The following NSL1 variants were observed in gnomAD, a reference collection of about 807,000 sequenced individuals.
NSL1 encodes kinetochore-associated protein NSL1 homolog.
NSL1 carries 11 observed loss-of-function variants against 25.4 expected under a neutral mutation model. The ratio of observed to expected loss-of-function variants is 0.43; its 90% CI spans 0.27 to 0.72. The LOEUF (loss-of-function observed/expected upper bound fraction) is 0.72, where lower values mean the gene tolerates loss of function less well. Among genes scored for constraint, NSL1 ranks in the 30% least tolerant of loss-of-function variants. The pLI is 0.19. For missense variants in NSL1, 330 were observed against 342.7 expected (o/e 0.96, Z 0.29); for synonymous variants, 118 against 120.6 (o/e 0.98, Z 0.14).
In NSL1 at chr1:212,735,207, G is replaced by A. The variant is rs1222715656; in HGVS notation, c.*3201C>T. ...TGACTTTTGATCATAGACAGGTTAAGTAACTTGTCCAATATCATTGAACTA... is the reference window on the plus strand; with the variant it reads ...TGACTTTTGATCATAGACAGGTTAAATAACTTGTCCAATATCATTGAACTA... On this transcript the variant is annotated 3_prime_UTR_variant, in exon 6 of 6. Coordinates refer to ENST00000366977, the MANE Select transcript of NSL1 (RefSeq NM_015471.4). The A allele has an allele frequency of 3.2e-6, 2 of 622,096 alleles. No individual in the cohort carries two copies. Among genetic ancestry groups the A allele is most frequent in the Admixed American group, 1.3e-4 (2 of 15,810 alleles). 38.5% of individuals were successfully genotyped at this position (622,096 alleles called of 1,614,324 possible). A position where few individuals can be genotyped will look rare whatever the true frequency, so the allele number is the denominator to read the frequency against.
chr1:212,772,687 A>AG (rs1337228651), intron 4 of NSL1, among the ~76,000 whole-genome samples: 8 of 146,788 alleles, frequency 5.5e-5, no homozygotes, highest in South Asian at 4.4e-4. Context: ...AAAAAAAGAA[A>AG]AAAAGAAAGA....
intron 4 of NSL1, among the ~76,000 whole-genome samples, chr1:212,774,185 A>T (rs1456307072): frequency 1.3e-5 from 2 of 152,198 alleles, no homozygotes; most frequent in Non-Finnish European, 2.9e-5. Context: ...ATAGCACAGT[A>T]AGGTGACAAT....
chr1:212,788,879 A>G (rs1296899783), intron 1 of NSL1, among the ~76,000 whole-genome samples: 1 of 152,248 alleles, frequency 6.6e-6, no homozygotes, highest in African/African-American at 2.4e-5. Context: ...CAGGTCAATA[A>G]CAATTCATCA....
rs1056693438 is a variant in NSL1 at position 212,727,968 on chromosome 1, C to A, written c.*10440G>T. 7.1e-6 allele frequency: 7 copies of A among 985,266 alleles called. No individual in the cohort carries two copies. In the South Asian group the frequency reaches 3.3e-4, roughly 46 times the overall value. 61.0% of individuals were successfully genotyped at this position (985,266 alleles called of 1,614,324 possible). ...AGAGCGTCTGAGACTCTGGACAAGG[C>A]CTTTGCTGTGAACCACGGGGAGAAG... On this transcript the variant is annotated 3_prime_UTR_variant, in exon 6 of 6. Coordinates refer to ENST00000366977, the MANE Select transcript of NSL1 (RefSeq NM_015471.4).
At chr1:212,764,083 T>C in intron 4 of NSL1, 1 of 393,066 alleles carries the variant, frequency 2.5e-6, no homozygotes, top group Non-Finnish European at 5.1e-6. Flanking sequence ...AAGTATCTTC[T>C]CAGACCACAG....
intron 1 of NSL1, among the ~76,000 whole-genome samples, chr1:212,791,196 ATAT>A (rs1661233837): frequency 6.6e-6 from 1 of 152,180 alleles, no homozygotes; most frequent in Non-Finnish European, 1.5e-5. Flanking sequence ...CATTCATTTG[ATAT>A]TATTACATGT....
intron 4 of NSL1, among the ~76,000 whole-genome samples, chr1:212,772,399 C>G (rs866681871): frequency 1.3e-5 from 2 of 152,168 alleles, no homozygotes; most frequent in Admixed American, 6.5e-5. Flanking sequence ...GTGGCTCACA[C>G]CTGTAACCCT....
Position 212,784,453 on chromosome 1 carries a change from G to A in NSL1, c.354C>T (p.Ile118=). The change falls in exon 3 of 6, where the codon ATC becomes ATT. Residue 118 remains isoleucine, a synonymous_variant. Coordinates refer to ENST00000366977, the MANE Select transcript of NSL1 (RefSeq NM_015471.4). ...IKVLEDQFDE[I]IVDIATKRKQ... ...TACGTTTTGTGGCTATATCTACTAT[G>A]ATTTCATCAAACTGATCTTCAAGTA... The A allele has an allele frequency of 1.3e-6, 2 of 1,583,240 alleles. No homozygotes were observed. The highest frequency in any genetic ancestry group is 2.2e-5 in the East Asian group (1 of 44,476).
At position 212,735,618 on chromosome 1, in the gene NSL1, A is replaced by T; in HGVS notation, c.*2790T>A. 1 of 804,192 alleles carries T rather than the reference A, an allele frequency of 1.2e-6. No homozygotes were observed. The highest frequency in any genetic ancestry group is 1.5e-6 in the Non-Finnish European group (1 of 664,772). 49.8% of individuals were successfully genotyped at this position (804,192 alleles called of 1,614,324 possible). On this transcript the variant is annotated 3_prime_UTR_variant, in exon 6 of 6. Coordinates refer to ENST00000366977, the MANE Select transcript of NSL1 (RefSeq NM_015471.4). ...ATGAAGCCTTAACTCCCATGTGCCT[A>T]TAGCTGTATTTGGAGATGGGGCCTC...
intron 4 of NSL1, among the ~76,000 whole-genome samples, chr1:212,765,736 G>C (rs1370941774): frequency 1.3e-5 from 2 of 152,088 alleles, no homozygotes; most frequent in African/African-American, 2.4e-5. Context: ...AACCTGGAAA[G>C]TGGAGGCTGC....
chr1:212,763,414 T>C (rs1169961769), intron 4 of NSL1, among the ~76,000 whole-genome samples: 1 of 151,726 alleles, frequency 6.6e-6, no homozygotes, highest in Non-Finnish European at 1.5e-5. Context: ...ACTAACATGA[T>C]GAATAGAACA....
chr1:212,767,054 A>T (rs1659854052), intron 4 of NSL1, among the ~76,000 whole-genome samples: 1 of 152,220 alleles, frequency 6.6e-6, no homozygotes, highest in Admixed American at 6.5e-5. Context: ...TCCCATCAAG[A>T]TACCACCATA....
rs137959009 is a variant in NSL1, at chr1:212,755,764, T to C, written c.500-16163A>G. ...AAATATGAATATGTATATATTTTCATATATATCTATATGTAATTATTAAAA... is the reference window on the plus strand; with the variant it reads ...AAATATGAATATGTATATATTTTCACATATATCTATATGTAATTATTAAAA... On this transcript the variant is annotated intron_variant, in intron 4 of 5. Transcript: ENST00000366977. Among the ~76,000 whole-genome samples, 688 of 151,504 alleles carry C rather than the reference T, an allele frequency of 4.5e-3. 8 individuals are homozygous for C. The highest frequency in any genetic ancestry group is 0.016 in the African/African-American group (657 of 41,150).
At chr1:212,777,088 AC>A (rs1182364576) in intron 4 of NSL1, among the ~76,000 whole-genome samples, 3 of 151,800 alleles carry the variant, frequency 2.0e-5, no homozygotes, top group Admixed American at 1.3e-4. Flanking sequence ...AACAAAAACA[AC>A]CTAGGCTGGT....
rs1428462587 is a variant in NSL1 at position 212,728,566 on chromosome 1, G to A, written c.*9842C>T. The A allele has an allele frequency of 4.1e-6, 4 of 985,328 alleles. No individual in the cohort carries two copies. The highest frequency in any genetic ancestry group is 4.8e-6 in the Non-Finnish European group (4 of 829,942). The allele number at this position is 985,328 out of a possible 1,614,324, so 61.0% of individuals were successfully genotyped here. On this transcript the variant is annotated 3_prime_UTR_variant, in exon 6 of 6. Transcript: ENST00000366977. ...AATTTTTTCAAATCAGATTTACAGA[G>A]GGATAGAAATGAGAAAAGGAGTTTT...
At position 212,730,394 on chromosome 1, in the gene NSL1, G is replaced by A; in HGVS notation, c.*8014C>T. The stretch of plus-strand genomic sequence containing the variant: ...CAATGACATCATTGTAGAAGATGTG[G>A]GCCACAGAGCTACATGAATGGGCAC... On this transcript the variant is annotated 3_prime_UTR_variant, in exon 6 of 6. Transcript: ENST00000366977. 2.0e-6 allele frequency: 2 copies of A among 985,232 alleles called. No homozygotes were observed. The highest frequency in any genetic ancestry group is 2.4e-6 in the Non-Finnish European group (2 of 829,904). 61.0% of individuals were successfully genotyped at this position (985,232 alleles called of 1,614,324 possible). A position where few individuals can be genotyped will look rare whatever the true frequency, so the allele number is the denominator to read the frequency against.
intron 4 of NSL1, among the ~76,000 whole-genome samples, chr1:212,758,234 A>C (rs1456915652): frequency 6.6e-6 from 1 of 152,258 alleles, no homozygotes; most frequent in Admixed American, 6.5e-5. Context: ...CAGAGCATTA[A>C]GAATATAGAG....
chr1:212,748,427 T>C (rs1658910449), intron 4 of NSL1, among the ~76,000 whole-genome samples: 1 of 152,230 alleles, frequency 6.6e-6, no homozygotes, highest in South Asian at 2.1e-4. Context: ...AGAATGTTCA[T>C]AGTAGCTTTA....
At chr1:212,755,829 T>G (rs1486748966) in intron 4 of NSL1, among the ~76,000 whole-genome samples, 3 of 152,008 alleles carry the variant, frequency 2.0e-5, no homozygotes, top group African/African-American at 7.2e-5. Flanking sequence ...GCACAAGAAA[T>G]ACAATTTAAA....
Sources: gnomAD v4.1 joint callset for allele counts (sites outside exome capture counted in the v4.1 genomes callset) on GRCh38, gnomAD v4.1.1 for gene constraint, MANE v1.5 for transcripts, NCBI Gene and HGNC (gene_info 2026-07-23, HGNC 2026-07-21) for gene names.